The following NKAIN1 variants were observed in gnomAD, a reference collection of about 807,000 sequenced individuals.
NKAIN1 encodes the protein sodium/potassium transporting ATPase interacting 1, also known as sodium/potassium-transporting ATPase subunit beta-1-interacting protein 1.
A neutral mutation model predicts 31.6 loss-of-function variants in NKAIN1; 13 were observed. The observed-to-expected ratio is 0.41, with a 90% CI of 0.27 to 0.65. The LOEUF is 0.65. Ranked by LOEUF, NKAIN1 falls within the 30% of genes least tolerant of loss-of-function variation. The probability of loss-of-function intolerance (pLI) is 0.30; values close to 1 mark genes in which losing one functional copy is unlikely to be tolerated. For missense variants in NKAIN1, 193 were observed against 262.2 expected, an observed-to-expected ratio of 0.74 and a Z score of 1.82; for synonymous variants, 104 against 109.0, an observed-to-expected ratio of 0.95 and a Z score of 0.28.
At chr1:31,198,670 G>T (rs992681529) in intron 1 of NKAIN1, among the ~76,000 whole-genome samples, 4 of 152,016 alleles carry the variant, frequency 2.6e-5, no homozygotes, top group Admixed American at 1.3e-4. Context: ...GCTCTCCAGA[G>T]TGGGGCCTCC....
rs138777196 is a variant in NKAIN1 at position 31,194,492 on chromosome 1, C to T, written c.55-6305G>A. Reference sequence around the variant, plus strand: ...CGTGATCTCGGCTCACTGCAACCTCCGCCTCCCGGGTTCAAGTGATTCTCC... The same window carrying T: ...CGTGATCTCGGCTCACTGCAACCTCTGCCTCCCGGGTTCAAGTGATTCTCC... On this transcript the variant is annotated intron_variant, in intron 1 of 6. Transcript: ENST00000373736. Among the ~76,000 whole-genome samples, 675 of 147,076 alleles carry T rather than the reference C, an allele frequency of 4.6e-3. 31 individuals are homozygous for T. In the East Asian group the frequency reaches 0.096, roughly 21 times the overall value.
intron 1 of NKAIN1, among the ~76,000 whole-genome samples, chr1:31,190,005 A>G (rs1231510553): frequency 1.3e-5 from 2 of 152,222 alleles, no homozygotes; most frequent in African/African-American, 2.4e-5. Flanking sequence ...AGGCCTCTGA[A>G]TACAGCCATG....
intron 1 of NKAIN1, among the ~76,000 whole-genome samples, chr1:31,194,765 CTCTT>C (rs1645311031): frequency 7.4e-6 from 1 of 134,776 alleles, no homozygotes; most frequent in Admixed American, 7.8e-5. Flanking sequence ...CTCTCTCTCT[CTCTT>C]TTTTTTTTTT....
chr1:31,207,614 C>T (rs915274325), intron 1 of NKAIN1, among the ~76,000 whole-genome samples: 1 of 152,146 alleles, frequency 6.6e-6, no homozygotes, highest in Non-Finnish European at 1.5e-5. Flanking sequence ...TCTTGTTCTT[C>T]TTTGCCCATG....
chr1:31,192,036 A>G (rs749600900), intron 1 of NKAIN1, among the ~76,000 whole-genome samples: 9 of 152,164 alleles, frequency 5.9e-5, no homozygotes, highest in Non-Finnish European at 1.2e-4. Flanking sequence ...TTGGCCTCCC[A>G]AAATGCTGGG....
At chr1:31,235,426 A>G (rs1645687016) in intron 1 of NKAIN1, among the ~76,000 whole-genome samples, 1 of 152,178 alleles carries the variant, frequency 6.6e-6, no homozygotes, top group South Asian at 2.1e-4. Context: ...CAAAACTGCC[A>G]TGCCAAAGCC....
chr1:31,238,206 T>C (rs376996830), intron 1 of NKAIN1, among the ~76,000 whole-genome samples: 4 of 152,254 alleles, frequency 2.6e-5, no homozygotes, highest in East Asian at 3.9e-4. Flanking sequence ...GATGGCATGT[T>C]TGAAGCTGGT....
At chr1:31,235,654 A>G (rs145965943) in intron 1 of NKAIN1, among the ~76,000 whole-genome samples, 18 of 152,256 alleles carry the variant, frequency 1.2e-4, no homozygotes, top group African/African-American at 4.3e-4. Context: ...AACAATAAAT[A>G]AACAAAACAT....
intron 1 of NKAIN1, among the ~76,000 whole-genome samples, chr1:31,192,723 G>T (rs973719928): frequency 1.3e-5 from 2 of 151,732 alleles, no homozygotes; most frequent in African/African-American, 4.8e-5. Context: ...GTGGATTTTT[G>T]TATTTTTTGT....
At chr1:31,225,692 C>T (rs1383473885) in intron 1 of NKAIN1, among the ~76,000 whole-genome samples, 1 of 149,104 alleles carries the variant, frequency 6.7e-6, no homozygotes, top group East Asian at 2.0e-4. Flanking sequence ...GTGTGAGAGC[C>T]CCCCTCTCAG....
chr1:31,239,483 G>A lies in NKAIN1; in HGVS notation c.54+11C>T. 2.1e-6 allele frequency: 3 copies of A among 1,442,304 alleles called. No homozygotes were observed. The highest frequency in any genetic ancestry group is 3.0e-5 in the East Asian group (1 of 32,974). 89.3% of individuals were successfully genotyped at this position (1,442,304 alleles called of 1,614,324 possible). A position where few individuals can be genotyped will look rare whatever the true frequency, so the allele number is the denominator to read the frequency against. Reference sequence around the variant, plus strand: ...CACCCTGCCCCGACTGCCTGGGCACGCGACGCTTACCAGCTGCAGGCAGCA... The same window carrying A: ...CACCCTGCCCCGACTGCCTGGGCACACGACGCTTACCAGCTGCAGGCAGCA... On this transcript the variant is annotated intron_variant, in intron 1 of 6. Transcript: ENST00000373736. This position sits in a 1 kb window ranked among gnomAD's most constrained non-coding sequence, Gnocchi z 4.8.
chr1:31,237,839 T>C (rs1408978260), intron 1 of NKAIN1, among the ~76,000 whole-genome samples: 1 of 152,126 alleles, frequency 6.6e-6, no homozygotes, highest in African/African-American at 2.4e-5. Flanking sequence ...TGATTATGTA[T>C]GTATTTATTT....
chr1:31,182,678 CAAGGGAGGAGGCATGCCAGGATG>C, intron 4 of NKAIN1, 88 bp from the exon 5 acceptor site: 1 of 1,452,102 alleles, frequency 6.9e-7, no homozygotes, highest in South Asian at 1.2e-5. Flanking sequence ...CTCTGACTGG[CAAGGGAGGAGGCATGCCAGGATG>C]AAGGCAAACC....
intron 1 of NKAIN1, among the ~76,000 whole-genome samples, chr1:31,196,007 C>T (rs1423049737): frequency 2.0e-5 from 3 of 152,112 alleles, no homozygotes; most frequent in Non-Finnish European, 4.4e-5. Context: ...CCCTGCCACT[C>T]GATCTGCCAG....
intron 1 of NKAIN1, among the ~76,000 whole-genome samples, chr1:31,196,928 C>T (rs566973970): frequency 6.6e-6 from 1 of 152,170 alleles, no homozygotes; most frequent in Non-Finnish European, 1.5e-5. Flanking sequence ...CAACTCTTGG[C>T]ACGGCACTAA....
chr1:31,191,247 C>T (rs530175897), intron 1 of NKAIN1, among the ~76,000 whole-genome samples: 185 of 150,714 alleles, frequency 1.2e-3, no homozygotes, highest in South Asian at 6.5e-3. Flanking sequence ...GCCAAGATCG[C>T]GCCACTGTAC....
chr1:31,210,291 C>CT (rs5773343), intron 1 of NKAIN1, among the ~76,000 whole-genome samples: 49 of 136,210 alleles, frequency 3.6e-4, no homozygotes, highest in East Asian at 3.5e-3. Context: ...TTTTGCCATT[C>CT]TTTTTTTTTT....
rs185185528 is a variant in NKAIN1, at chr1:31,221,855, G to A, written c.54+17639C>T. Among the ~76,000 whole-genome samples the A allele has an allele frequency of 1.2e-3, 178 of 152,038 alleles. 2 individuals are homozygous for A. Among genetic ancestry groups the A allele is most frequent in the Admixed American group, 8.6e-3 (131 of 15,254 alleles). ...CCAGGGGTAGGGTTTAAACAGAGGC[G>A]AGGCAGTATCAGAACTGCATTTTAT... On this transcript the variant is annotated intron_variant, in intron 1 of 6. Coordinates refer to ENST00000373736, the MANE Select transcript of NKAIN1 (RefSeq NM_024522.3).
At chr1:31,183,780 G>A (rs761378763) in intron 4 of NKAIN1, 37 bp downstream of exon 4, 11 of 1,579,100 alleles carry the variant, frequency 7.0e-6, no homozygotes, top group African/African-American at 1.3e-5. Context: ...GAAAGGGATC[G>A]GGAAGTGTGT....
Sources: allele counts gnomAD v4.1 joint callset (sites outside exome capture counted in the v4.1 genomes callset), GRCh38; gene constraint gnomAD v4.1.1; non-coding constraint Gnocchi (gnomAD v3.1); transcripts MANE v1.5; gene names NCBI Gene and HGNC (gene_info 2026-07-23, HGNC 2026-07-21).